Variants in TMEM212 observed in about 807,000 individuals in gnomAD.
TMEM212 encodes the protein transmembrane protein 212.
In TMEM212, 23 loss-of-function variants were observed where a neutral mutation model predicts 20.5. The observed-to-expected ratio is 1.12, with a 90% CI of 0.81 to 1.59. The LOEUF (loss-of-function observed/expected upper bound fraction) is 1.59, where lower values mean the gene tolerates loss of function less well. TMEM212 is among the 40% of genes most tolerant of loss of function. The pLI is 0.00. For missense variants in TMEM212, 211 were observed against 215.0 expected, an observed-to-expected ratio of 0.98 and a Z score of 0.12; for synonymous variants, 76 against 81.6, an observed-to-expected ratio of 0.93 and a Z score of 0.37.
At chr3:171,845,324 A>G (rs1326737118) in intron 1 of TMEM212, among the ~76,000 whole-genome samples, 2 of 152,240 alleles carry the variant, frequency 1.3e-5, no homozygotes, top group East Asian at 1.9e-4. Flanking sequence ...AGATGTTTAT[A>G]TATCTATAAA....
Position 171,843,399 on chromosome 3 carries a change from C to T in TMEM212, c.16C>T (p.Gln6Ter), listed in dbSNP as rs746520847. 2 of 1,536,220 alleles carry T rather than the reference C, an allele frequency of 1.3e-6. No homozygotes were observed. The highest frequency in any genetic ancestry group is 2.4e-5 in the South Asian group (2 of 83,846). ...ACCAAGGAAAATGAAGGGCCTCTAC[C>T]AGGCTGCTGGCCGGATTCTTGTTAC... MKGLY[Q>*]AAGRILVTLG... is the part of the protein sequence containing the mutation. Residue 6 changes from glutamine to a stop codon, truncating the protein, a stop_gained, in exon 1 of 5, where the codon CAG becomes TAG. Coordinates refer to ENST00000334567, the MANE Select transcript of TMEM212 (RefSeq NM_001164436.2). LOFTEE classifies it high-confidence loss of function.
intron 1 of TMEM212, among the ~76,000 whole-genome samples, chr3:171,847,544 A>G (rs1724864986): frequency 1.3e-5 from 2 of 152,248 alleles, no homozygotes; most frequent in African/African-American, 4.8e-5. Context: ...TAAAGCAATA[A>G]AAGCAAATTT....
rs1364931693 is a variant in TMEM212, at chr3:171,858,621, C to T, written c.*564C>T. 1 of 152,116 alleles carries T rather than the reference C, an allele frequency of 6.6e-6. No individual in the cohort carries two copies. Among genetic ancestry groups the T allele is most frequent in the African/African-American group, 2.4e-5 (1 of 41,366 alleles). The allele number at this position is 152,116 out of a possible 1,614,324, so 9.4% of individuals were successfully genotyped here. On this transcript the variant is annotated 3_prime_UTR_variant, in exon 5 of 5. Transcript: ENST00000334567. ...TCTGCATGGCAAAAGAAACTATCAT[C>T]AGAGTGAACAGGCAACCTACAGAAC...
In TMEM212 at chr3:171,843,373, C is replaced by T. The variant is rs551019706; in HGVS notation, c.-11C>T. ...CATCTTTGAGACCAAGGCCTCAAGCCACCAAGGAAAATGAAGGGCCTCTAC... is the reference window on the plus strand; with the variant it reads ...CATCTTTGAGACCAAGGCCTCAAGCTACCAAGGAAAATGAAGGGCCTCTAC... On this transcript the variant is annotated 5_prime_UTR_variant, in exon 1 of 5. Transcript: ENST00000334567. 81 of 1,530,730 alleles carry T rather than the reference C, an allele frequency of 5.3e-5. 1 individual carries two copies. The South Asian group carries it at 9.8e-4, about 18-fold the overall frequency. The allele number at this position is 1,530,730 out of a possible 1,614,324, so 94.8% of individuals were successfully genotyped here.
In TMEM212 at chr3:171,853,796, C is replaced by T; in HGVS notation, c.489C>T (p.Ser163=). ...TAAGCTTTACCCTACTCTGTACATC[C>T]TTGACAGTGTTCATCAAACTTTCTG... ...LCLSFTLLCT[S]LTVFIKLSAR... Residue 163 remains serine, a synonymous_variant, in exon 3 of 5, where the codon TCC becomes TCT. Coordinates refer to ENST00000334567, the MANE Select transcript of TMEM212 (RefSeq NM_001164436.2). The T allele has an allele frequency of 6.5e-7, 1 of 1,537,050 alleles. No homozygotes were observed. Among genetic ancestry groups the T allele is most frequent in the Non-Finnish European group, 8.7e-7 (1 of 1,146,800 alleles).
intron 2 of TMEM212, 135 bp downstream of exon 2, chr3:171,852,176 G>A (rs919026981): frequency 1.5e-6 from 1 of 678,118 alleles, no homozygotes; most frequent in African/African-American, 1.8e-5. Flanking sequence ...TACTACAATG[G>A]ATTTCAGAAA....
At chr3:171,850,623 C>T (rs1344407965) in intron 1 of TMEM212, among the ~76,000 whole-genome samples, 6 of 152,204 alleles carry the variant, frequency 3.9e-5, no homozygotes, top group Non-Finnish European at 7.3e-5. Context: ...CCTACAGCAC[C>T]GGTGTTACAG....
At chr3:171,856,272 G>T (rs1403300257) in intron 3 of TMEM212, among the ~76,000 whole-genome samples, 1 of 152,128 alleles carries the variant, frequency 6.6e-6, no homozygotes, top group African/African-American at 2.4e-5. Flanking sequence ...GCTTGTTTGG[G>T]TTCATGCAAG....
intron 3 of TMEM212, among the ~76,000 whole-genome samples, chr3:171,854,643 T>A (rs1181055948): frequency 6.6e-6 from 1 of 152,112 alleles, no homozygotes; most frequent in Non-Finnish European, 1.5e-5. Context: ...ATAGAACACA[T>A]AATCTTAAAT....
intron 1 of TMEM212, among the ~76,000 whole-genome samples, chr3:171,850,109 A>G (rs1222376492): frequency 6.6e-6 from 1 of 152,152 alleles, no homozygotes; most frequent in African/African-American, 2.4e-5. Context: ...ATCTAAAAAT[A>G]TAATTTTCAA....
At chr3:171,846,703 A>G (rs567304660) in intron 1 of TMEM212, among the ~76,000 whole-genome samples, 1 of 152,334 alleles carries the variant, frequency 6.6e-6, no homozygotes, top group African/African-American at 2.4e-5. Context: ...TCCTCATGAG[A>G]AGGAAAGTAA....
At chr3:171,845,575 C>A (rs1724811726) in intron 1 of TMEM212, among the ~76,000 whole-genome samples, 1 of 152,086 alleles carries the variant, frequency 6.6e-6, no homozygotes, top group African/African-American at 2.4e-5. Context: ...TTGTTCTAGG[C>A]CAAACATCTA....
At chr3:171,853,447 T>G in intron 2 of TMEM212, 80 bp from the exon 3 acceptor site, 1 of 1,253,426 alleles carries the variant, frequency 8.0e-7, no homozygotes, top group Non-Finnish European at 1.1e-6. Context: ...CCAGCATCTC[T>G]TTTATTTTCT....
intron 1 of TMEM212, among the ~76,000 whole-genome samples, chr3:171,847,622 C>T (rs552998492): frequency 1.3e-5 from 2 of 152,244 alleles, no homozygotes; most frequent in South Asian, 2.1e-4. Flanking sequence ...CCAAGCACAG[C>T]ATGAGCAAAT....
At chr3:171,852,091 A>G in intron 2 of TMEM212, 50 bp downstream of exon 2, 2 of 1,374,790 alleles carry the variant, frequency 1.5e-6, no homozygotes, top group Non-Finnish European at 2.0e-6. Flanking sequence ...TGAAGGTCAA[A>G]TCACTACTAA....
intron 1 of TMEM212, among the ~76,000 whole-genome samples, chr3:171,845,595 G>T (rs1334412554): frequency 6.6e-6 from 1 of 152,172 alleles, no homozygotes; most frequent in African/African-American, 2.4e-5. Context: ...ATTTTTACCA[G>T]TTAGGCCCGG....
chr3:171,856,951 A>G (rs1054146238), intron 4 of TMEM212: 1 of 321,352 alleles, frequency 3.1e-6, no homozygotes, highest in Non-Finnish European at 5.7e-6. Context: ...CTAAATGGGA[A>G]CTAGTAAAAT....
chr3:171,851,104 A>C (rs1217505472), intron 1 of TMEM212, among the ~76,000 whole-genome samples: 1 of 152,094 alleles, frequency 6.6e-6, no homozygotes, highest in Admixed American at 6.6e-5. Flanking sequence ...AGAGCTGTCC[A>C]TATTCTATAT....
chr3:171,844,201 T>C (rs1724781477), intron 1 of TMEM212, among the ~76,000 whole-genome samples: 1 of 152,152 alleles, frequency 6.6e-6, no homozygotes, highest in African/African-American at 2.4e-5. Flanking sequence ...AGATAAACGA[T>C]TGGCCTGGTC....
Sources: gnomAD v4.1 joint callset for allele counts (sites outside exome capture counted in the v4.1 genomes callset) on GRCh38, gnomAD v4.1.1 for gene constraint, MANE v1.5 for transcripts, NCBI Gene and HGNC (gene_info 2026-07-23, HGNC 2026-07-21) for gene names.